NR2F1-AS1: variants seen among roughly 807,000 people sequenced by gnomAD.
NR2F1-AS1 encodes NR2F1 regulatory antisense RNA 1, also known as NR2F1 antisense RNA 1.
At chr5:93,555,782 T>C (rs1752340672) in intron 2 of NR2F1-AS1, among the ~76,000 whole-genome samples, 1 of 152,184 alleles carries the variant, frequency 6.6e-6, no homozygotes, top group Admixed American at 6.6e-5. Flanking sequence ...CACTAATTTA[T>C]TTTAGAAAAC....
chr5:93,579,994 C>T lies in NR2F1-AS1; in HGVS notation n.313+473G>A, dbSNP rs79413690. Among the ~76,000 whole-genome samples the T allele has an allele frequency of 0.032, 4,829 of 152,336 alleles. 266 individuals carry two copies. The highest frequency in any genetic ancestry group is 0.11 in the African/African-American group (4,569 of 41,562). ...GCAGGTGGGCGGCTGCAGCCAAGCT[C>T]GCCAGGTTCAGGCCGTAACCAGGCA... On this transcript the variant is annotated intron_variant and non_coding_transcript_variant, in intron 1 of 5. Coordinates refer to ENST00000660523, the Ensembl canonical transcript of NR2F1-AS1. This position sits in a 1 kb window ranked among gnomAD's most constrained non-coding sequence, Gnocchi z 5.1.
intron 4 of NR2F1-AS1, among the ~76,000 whole-genome samples, chr5:93,422,089 A>T (rs1749100389): frequency 6.6e-6 from 1 of 152,206 alleles, no homozygotes; most frequent in South Asian, 2.1e-4. Flanking sequence ...GCCTCATTTT[A>T]TCTTTGAACA....
chr5:93,428,673 A>T (rs1247653302), intron 4 of NR2F1-AS1, among the ~76,000 whole-genome samples: 2 of 152,156 alleles, frequency 1.3e-5, no homozygotes, highest in Admixed American at 6.6e-5. Flanking sequence ...AAATGTTTGG[A>T]TATCTAGGGA....
At chr5:93,417,775 G>A (rs951800482) in intron 4 of NR2F1-AS1, among the ~76,000 whole-genome samples, 2 of 152,160 alleles carry the variant, frequency 1.3e-5, no homozygotes, top group South Asian at 2.1e-4. Flanking sequence ...CACAATGAGT[G>A]GGAAACATGT....
intron 4 of NR2F1-AS1, among the ~76,000 whole-genome samples, chr5:93,497,917 T>C (rs1404771921): frequency 1.3e-5 from 2 of 152,200 alleles, no homozygotes; most frequent in Non-Finnish European, 2.9e-5. Context: ...ATTTTCAAGT[T>C]TGCCAATCAA....
intron 4 of NR2F1-AS1, among the ~76,000 whole-genome samples, chr5:93,535,486 G>A (rs1561488029): frequency 2.6e-5 from 4 of 151,920 alleles, no homozygotes; most frequent in Admixed American, 6.6e-5. Context: ...GTGTTAACAT[G>A]TTGATGTATA....
chr5:93,535,151 C>CA (rs59297889), intron 4 of NR2F1-AS1, among the ~76,000 whole-genome samples: 18,300 of 126,732 alleles, frequency 0.14, 1,367 homozygotes, highest in African/African-American at 0.24. Context: ...GAGACTCAGA[C>CA]AAAAAAAAAA....
upstream of NR2F1-AS1, chr5:93,584,513 C>A (rs1753189014): frequency 6.7e-6 from 1 of 149,028 alleles, no homozygotes; most frequent in Non-Finnish European, 1.5e-5. Context: ...CCATGCCCGC[C>A]GCCCCCGGCG....
chr5:93,515,764 T>C (rs1751389347), intron 4 of NR2F1-AS1, among the ~76,000 whole-genome samples: 1 of 151,878 alleles, frequency 6.6e-6, no homozygotes, highest in South Asian at 2.1e-4. Flanking sequence ...TGAATAGAGA[T>C]AATGCCAGAA....
chr5:93,431,452 C>A (rs1026856902), intron 4 of NR2F1-AS1, among the ~76,000 whole-genome samples: 2 of 152,166 alleles, frequency 1.3e-5, no homozygotes. Flanking sequence ...ATTAAATTGT[C>A]AGCTCTATCA....
At chr5:93,481,207 C>A (rs1750592622) in intron 4 of NR2F1-AS1, among the ~76,000 whole-genome samples, 1 of 151,702 alleles carries the variant, frequency 6.6e-6, no homozygotes, top group African/African-American at 2.4e-5. Context: ...CAAAAGAGAG[C>A]CAGGCTGGCT....
At chr5:93,546,475 T>C (rs1341590215) in intron 4 of NR2F1-AS1, among the ~76,000 whole-genome samples, 1 of 151,886 alleles carries the variant, frequency 6.6e-6, no homozygotes, top group Non-Finnish European at 1.5e-5. Flanking sequence ...CAGAGGGAAA[T>C]GGTTTTTTCA....
At chr5:93,536,317 C>T (rs1026746863) in intron 4 of NR2F1-AS1, among the ~76,000 whole-genome samples, 1 of 152,054 alleles carries the variant, frequency 6.6e-6, no homozygotes, top group Non-Finnish European at 1.5e-5. Flanking sequence ...AAAGATATCC[C>T]ATGTTCATAG....
intron 4 of NR2F1-AS1, among the ~76,000 whole-genome samples, chr5:93,453,456 A>C (rs1266739218): frequency 6.6e-6 from 1 of 152,138 alleles, no homozygotes; most frequent in Non-Finnish European, 1.5e-5. Flanking sequence ...AGCTCAAGAA[A>C]TTCTGAGCAG....
chr5:93,561,638 T>C (rs1205571388), intron 2 of NR2F1-AS1, among the ~76,000 whole-genome samples: 1 of 151,992 alleles, frequency 6.6e-6, no homozygotes, highest in Non-Finnish European at 1.5e-5. Flanking sequence ...CTGGGCATAA[T>C]GGCGCATGCC....
At chr5:93,504,069 A>G (rs1751137827) in intron 4 of NR2F1-AS1, among the ~76,000 whole-genome samples, 1 of 152,206 alleles carries the variant, frequency 6.6e-6, no homozygotes, top group South Asian at 2.1e-4. Context: ...AAAATCTTGT[A>G]AAGAAATTTA....
intron 4 of NR2F1-AS1, among the ~76,000 whole-genome samples, chr5:93,529,203 T>C (rs749622948): frequency 1.3e-5 from 2 of 152,164 alleles, no homozygotes; most frequent in African/African-American, 4.8e-5. Flanking sequence ...GCTGCTGTTA[T>C]TACTGCTGGA....
chr5:93,554,757 T>C (rs1752314124), intron 3 of NR2F1-AS1: 1 of 152,194 alleles, frequency 6.6e-6, no homozygotes, highest in African/African-American at 2.4e-5. Flanking sequence ...TTAGATATTA[T>C]TGAAACATTC....
chr5:93,581,640 C>T (rs1026853957), upstream of NR2F1-AS1, among the ~76,000 whole-genome samples: 11 of 148,802 alleles, frequency 7.4e-5, no homozygotes, highest in Non-Finnish European at 1.0e-4. Context: ...CGACCAATCA[C>T]CTTCAGGATT....
Sources: allele counts gnomAD v4.1 joint callset (sites outside exome capture counted in the v4.1 genomes callset), GRCh38; gene constraint gnomAD v4.1.1; non-coding constraint Gnocchi (gnomAD v3.1); transcripts MANE v1.5; gene names NCBI Gene and HGNC (gene_info 2026-07-23, HGNC 2026-07-21).